Variants in CDK6 observed in about 807,000 individuals in gnomAD.
CDK6 encodes cyclin-dependent kinase 6.
Under a neutral mutation model 37.1 loss-of-function variants are expected in CDK6, and 6 were observed. The ratio of observed to expected loss-of-function variants is 0.16; its 90% CI spans 0.09 to 0.32. The LOEUF is 0.32. Ranked by LOEUF, CDK6 falls within the 10% of genes least tolerant of loss-of-function variation. CDK6 has a pLI of 1.00. For synonymous variants in CDK6, 160 were observed against 161.3 expected (o/e 0.99, Z 0.06); for missense variants, 224 against 418.9 (o/e 0.53, Z 4.06).
At chr7:92,790,913 G>A (rs1800265468) in intron 2 of CDK6, among the ~76,000 whole-genome samples, 2 of 152,174 alleles carry the variant, frequency 1.3e-5, no homozygotes, top group African/African-American at 4.8e-5. Context: ...CCATTGGAGA[G>A]AAACTTTGTA....
At chr7:92,732,907 A>G (rs1477871144) in intron 3 of CDK6, among the ~76,000 whole-genome samples, 3 of 152,322 alleles carry the variant, frequency 2.0e-5, no homozygotes, top group South Asian at 4.1e-4. Flanking sequence ...GTAAACAGGG[A>G]AAGAGTCTGG....
At chr7:92,791,147 GC>G (rs1214843398) in intron 2 of CDK6, among the ~76,000 whole-genome samples, 1 of 152,070 alleles carries the variant, frequency 6.6e-6, no homozygotes, top group East Asian at 1.9e-4. Context: ...GGTTGAGTTG[GC>G]AGGACTTGCT....
chr7:92,678,312 T>G (rs557572582), intron 4 of CDK6, among the ~76,000 whole-genome samples: 4 of 152,306 alleles, frequency 2.6e-5, no homozygotes, highest in South Asian at 4.1e-4. Context: ...ATAGGAATTA[T>G]GGACAGAGTT....
rs1051281060 is a variant in CDK6, at chr7:92,755,709, C to T, written c.369+18987G>A. Among the ~76,000 whole-genome samples, 5 of 152,276 alleles carry T rather than the reference C, an allele frequency of 3.3e-5. No individual in the cohort carries two copies. In the East Asian group the frequency reaches 9.7e-4, roughly 29 times the overall value. ...AAGTGCATTAGATATAAAAAGTATT[C>T]CTCTTCCAAAGCCTCCTAAGGTATA... On this transcript the variant is annotated intron_variant, in intron 3 of 7. Transcript: ENST00000424848.
chr7:92,669,445 A>G (rs1312557553), intron 5 of CDK6, among the ~76,000 whole-genome samples: 1 of 152,232 alleles, frequency 6.6e-6, no homozygotes, highest in Admixed American at 6.5e-5. Flanking sequence ...TTTAGCATCA[A>G]TCATGACTAG....
At chr7:92,629,647 C>T (rs17766836) in intron 5 of CDK6, among the ~76,000 whole-genome samples, 30,997 of 152,044 alleles carry the variant, frequency 0.2, 3,862 homozygotes, top group Middle Eastern at 0.36. Flanking sequence ...GGGTATCTCC[C>T]ATTTCCAAGA....
chr7:92,813,057 C>A (rs1464302256), intron 2 of CDK6, among the ~76,000 whole-genome samples: 1 of 152,160 alleles, frequency 6.6e-6, no homozygotes, highest in Non-Finnish European at 1.5e-5. Flanking sequence ...CACCCATGAT[C>A]TAACAACTTT....
chr7:92,757,185 G>A (rs1397823553), intron 3 of CDK6, among the ~76,000 whole-genome samples: 1 of 152,186 alleles, frequency 6.6e-6, no homozygotes, highest in Non-Finnish European at 1.5e-5. Flanking sequence ...GGGGGTACAT[G>A]TGAAGATTTT....
intron 3 of CDK6, among the ~76,000 whole-genome samples, chr7:92,749,435 G>C (rs1197599377): frequency 6.6e-6 from 1 of 152,110 alleles, no homozygotes; most frequent in African/African-American, 2.4e-5. Flanking sequence ...TTGCATTCTA[G>C]CCTGAGTAAT....
rs575640163 is a variant in CDK6, at chr7:92,608,330, G to A, written c.*6810C>T. 4.3e-6 allele frequency: 1 copy of A among 231,944 alleles called. No individual in the cohort carries two copies. The highest frequency in any genetic ancestry group is 1.8e-4 in the South Asian group (1 of 5,508). 14.4% of individuals were successfully genotyped at this position (231,944 alleles called of 1,614,324 possible). A position where few individuals can be genotyped will look rare whatever the true frequency, so the allele number is the denominator to read the frequency against. Reference sequence around the variant, plus strand: ...AACATGAAAATCCCCTGCTACATGAGATAATTTGTTTACATACCTTTAATT... The same window carrying A: ...AACATGAAAATCCCCTGCTACATGAAATAATTTGTTTACATACCTTTAATT... On this transcript the variant is annotated 3_prime_UTR_variant, in exon 8 of 8. Transcript: ENST00000424848.
At chr7:92,745,928 G>A (rs1324200946) in intron 3 of CDK6, among the ~76,000 whole-genome samples, 2 of 152,144 alleles carry the variant, frequency 1.3e-5, no homozygotes, top group African/African-American at 4.8e-5. Flanking sequence ...CTCTTCCAAA[G>A]AGGTAGTCCC....
At chr7:92,644,052 A>T (rs1300438706) in intron 5 of CDK6, among the ~76,000 whole-genome samples, 2 of 152,208 alleles carry the variant, frequency 1.3e-5, no homozygotes, top group Non-Finnish European at 1.5e-5. Context: ...GGAAGGCAAA[A>T]GCAGAGAACT....
intron 4 of CDK6, among the ~76,000 whole-genome samples, chr7:92,708,633 G>C (rs914299285): frequency 6.6e-5 from 10 of 151,976 alleles, no homozygotes; most frequent in Non-Finnish European, 1.2e-4. Flanking sequence ...TTTAAGTCCT[G>C]ATAAAAAGAA....
intron 2 of CDK6, among the ~76,000 whole-genome samples, chr7:92,806,340 C>T (rs888870901): frequency 2.0e-5 from 3 of 152,154 alleles, no homozygotes; most frequent in Non-Finnish European, 4.4e-5. Context: ...CAAAGACGCC[C>T]GTTAAAACAT....
chr7:92,700,095 G>C (rs1797809527), intron 4 of CDK6, among the ~76,000 whole-genome samples: 1 of 152,130 alleles, frequency 6.6e-6, no homozygotes, highest in Admixed American at 6.5e-5. Flanking sequence ...AGTGTTAGAG[G>C]CTTCAGCGAG....
At position 92,725,680 on chromosome 7, in the gene CDK6, G is replaced by A. The variant is rs779711000; in HGVS notation, c.483C>T (p.Leu161=). The change falls in exon 4 of 8, where the codon CTC becomes CTT. Residue 161 remains leucine, a synonymous_variant. Coordinates refer to ENST00000424848, the MANE Select transcript of CDK6 (RefSeq NM_001145306.2). ...ILVTSSGQIK[L]ADFGLARIYS... ...AGATGCGGGCAAGGCCGAAGTCAGC[G>A]AGTTTTATTTGTCCGCTGCTGGTCA... is the stretch of plus-strand genomic sequence containing the variant. The A allele has an allele frequency of 1.3e-5, 21 of 1,613,976 alleles. No individual in the cohort carries two copies. The highest frequency in any genetic ancestry group is 2.7e-5 in the African/African-American group (2 of 74,924).
At chr7:92,789,665 G>A (rs79912251) in intron 2 of CDK6, among the ~76,000 whole-genome samples, 1,574 of 152,244 alleles carry the variant, frequency 0.01, 16 homozygotes, top group Middle Eastern at 0.031. Context: ...CTCATATCTT[G>A]AGGAACATTT....
intron 3 of CDK6, among the ~76,000 whole-genome samples, chr7:92,759,082 T>C (rs528283986): frequency 2.2e-4 from 33 of 152,292 alleles, no homozygotes; most frequent in East Asian, 1.9e-3. Flanking sequence ...GTTAGGGAAC[T>C]ACAAATTGTA....
intron 5 of CDK6, among the ~76,000 whole-genome samples, chr7:92,670,515 GA>G (rs1002501014): frequency 4.6e-5 from 7 of 151,726 alleles, no homozygotes; most frequent in African/African-American, 1.7e-4. Flanking sequence ...AAATAGAAAA[GA>G]AAAAAAAGAT....
Sources: gnomAD v4.1 joint callset for allele counts (sites outside exome capture counted in the v4.1 genomes callset) on GRCh38, gnomAD v4.1.1 for gene constraint, MANE v1.5 for transcripts, NCBI Gene and HGNC (gene_info 2026-07-23, HGNC 2026-07-21) for gene names.